Variants in XKR4 observed in about 807,000 individuals in gnomAD.
The protein encoded by XKR4 is XK-related protein 4.
A neutral mutation model predicts 53.9 loss-of-function variants in XKR4; 12 were observed. That is an observed-to-expected ratio of 0.22 (90% CI 0.14 to 0.36). The LOEUF is 0.36. XKR4 is among the 10% of genes least tolerant of loss of function. XKR4 has a pLI of 1.00. For synonymous variants in XKR4, 354 were observed against 362.4 expected (o/e 0.98, Z 0.26); for missense variants, 799 against 859.5 (o/e 0.93, Z 0.88).
At chr8:55,291,180 T>C (rs1819012989) in intron 1 of XKR4, among the ~76,000 whole-genome samples, 4 of 152,214 alleles carry the variant, frequency 2.6e-5, no homozygotes, top group South Asian at 4.1e-4. Context: ...TGGTGATATA[T>C]GTGTAGGTCC....
At chr8:55,151,107 T>TCG (rs1397975930) in intron 1 of XKR4, among the ~76,000 whole-genome samples, 1 of 152,198 alleles carries the variant, frequency 6.6e-6, no homozygotes, top group East Asian at 1.9e-4. Context: ...TGTCTTTTAT[T>TCG]TATCATCTCT....
chr8:55,410,956 G>A (rs1804767992), intron 2 of XKR4, among the ~76,000 whole-genome samples: 1 of 152,170 alleles, frequency 6.6e-6, no homozygotes, highest in Non-Finnish European at 1.5e-5. Flanking sequence ...AGACCCTCAT[G>A]TCACTGTGCA....
chr8:55,291,863 T>A (rs1048797919), intron 1 of XKR4, among the ~76,000 whole-genome samples: 3 of 152,150 alleles, frequency 2.0e-5, no homozygotes, highest in African/African-American at 4.8e-5. Context: ...TTCTTTATTC[T>A]TACTTTTCTG....
intron 1 of XKR4, among the ~76,000 whole-genome samples, chr8:55,195,576 C>T (rs530711023): frequency 2.6e-5 from 4 of 151,732 alleles, no homozygotes; most frequent in East Asian, 1.9e-4. Flanking sequence ...TTTTAAAAAC[C>T]GTTTACATAT....
intron 2 of XKR4, among the ~76,000 whole-genome samples, chr8:55,430,069 C>A (rs1174998408): frequency 6.6e-6 from 1 of 152,166 alleles, no homozygotes; most frequent in East Asian, 1.9e-4. Context: ...TAGGGAAATG[C>A]AAATTAAAGC....
intron 1 of XKR4, among the ~76,000 whole-genome samples, chr8:55,261,150 C>G (rs1818519039): frequency 6.6e-6 from 1 of 152,138 alleles, no homozygotes; most frequent in African/African-American, 2.4e-5. Flanking sequence ...AGAAGACACA[C>G]AGAAGAAAAA....
intron 1 of XKR4, among the ~76,000 whole-genome samples, chr8:55,232,050 G>C (rs1818049369): frequency 6.6e-6 from 1 of 152,214 alleles, no homozygotes; most frequent in Non-Finnish European, 1.5e-5. Flanking sequence ...CTAAAAGAAA[G>C]ACATGGGTGG....
chr8:55,450,762 C>G, intron 2 of XKR4: 1 of 571,494 alleles, frequency 1.7e-6, no homozygotes, highest in Non-Finnish European at 3.3e-6. Context: ...ACCCCTCCAG[C>G]GTTCAGTAGA....
chr8:55,412,226 C>T (rs1804787793), intron 2 of XKR4, among the ~76,000 whole-genome samples: 1 of 152,044 alleles, frequency 6.6e-6, no homozygotes, highest in South Asian at 2.1e-4. Context: ...CAACCGTTTA[C>T]CAAGCCCCGG....
chr8:55,348,765 T>G (rs547275299), intron 1 of XKR4, among the ~76,000 whole-genome samples: 18 of 147,280 alleles, frequency 1.2e-4, no homozygotes, highest in African/African-American at 4.6e-4. Context: ...GATACAGAAA[T>G]AGGTAGAGAT....
chr8:55,375,772 G>T lies in XKR4; in HGVS notation c.1006+17895G>T, dbSNP rs561426492. On this transcript the variant is annotated intron_variant, in intron 2 of 2. Transcript: ENST00000327381. ...CAGGGTACACGTGCAGGATGTGCAGGTTTTTATACAGGTAGCAATGTGTGC... is the reference window on the plus strand; with the variant it reads ...CAGGGTACACGTGCAGGATGTGCAGTTTTTTATACAGGTAGCAATGTGTGC... Among the ~76,000 whole-genome samples, 3 of 151,406 alleles carry T rather than the reference G, an allele frequency of 2.0e-5. No individual in the cohort carries two copies. In the South Asian group the frequency reaches 6.3e-4, roughly 32 times the overall value.
intron 1 of XKR4, among the ~76,000 whole-genome samples, chr8:55,266,109 G>T (rs943701245): frequency 6.6e-6 from 1 of 152,088 alleles, no homozygotes; most frequent in Non-Finnish European, 1.5e-5. Flanking sequence ...AGTGAGCTAT[G>T]ATTGTGTCAC....
intron 1 of XKR4, among the ~76,000 whole-genome samples, chr8:55,206,173 C>T (rs183504505): frequency 6.5e-4 from 99 of 152,318 alleles, no homozygotes; most frequent in African/African-American, 2.1e-3. Flanking sequence ...AGCAAAAGAA[C>T]AAACCTTCCA....
chr8:55,344,043 A>T (rs1246472352), intron 1 of XKR4, among the ~76,000 whole-genome samples: 1 of 152,106 alleles, frequency 6.6e-6, no homozygotes, highest in Non-Finnish European at 1.5e-5. Flanking sequence ...TGCTGGTGAA[A>T]TCAATCCCTG....
Position 55,181,191 on chromosome 8 carries a change from C to T in XKR4, c.806+77897C>T, listed in dbSNP as rs185148695. On this transcript the variant is annotated intron_variant, in intron 1 of 2. Coordinates refer to ENST00000327381, the MANE Select transcript of XKR4 (RefSeq NM_052898.2). ...TGTTTTGGTACTTAAGCTTAAATGT[C>T]AAATAAGCATCTAGATTCTCCAGCT... Among the ~76,000 whole-genome samples the T allele has an allele frequency of 2.6e-5, 4 of 152,250 alleles. No individual in the cohort carries two copies. In the East Asian group the frequency reaches 7.7e-4, roughly 29 times the overall value.
At chr8:55,206,831 G>A (rs1276247919) in intron 1 of XKR4, among the ~76,000 whole-genome samples, 2 of 152,184 alleles carry the variant, frequency 1.3e-5, no homozygotes, top group Non-Finnish European at 2.9e-5. Context: ...ATCCCATATA[G>A]TTATTGCAGA....
At chr8:55,451,759 CG>C in intron 2 of XKR4, 1 of 1,131,608 alleles carries the variant, frequency 8.8e-7, no homozygotes, top group Non-Finnish European at 1.3e-6. Context: ...CCGGCTCAGG[CG>C]GCTGCTCAGG....
At chr8:55,383,892 A>G (rs1323193377) in intron 2 of XKR4, among the ~76,000 whole-genome samples, 1 of 152,192 alleles carries the variant, frequency 6.6e-6, no homozygotes, top group East Asian at 1.9e-4. Flanking sequence ...GACACAGCAT[A>G]TGTACCCTTC....
At chr8:55,493,304 A>G (rs894849187) in intron 2 of XKR4, among the ~76,000 whole-genome samples, 6 of 152,206 alleles carry the variant, frequency 3.9e-5, no homozygotes, top group Admixed American at 3.9e-4. Context: ...CTGATACAGC[A>G]TGTGAGCTCC....
Sources: allele counts gnomAD v4.1 joint callset (sites outside exome capture counted in the v4.1 genomes callset), GRCh38; gene constraint gnomAD v4.1.1; transcripts MANE v1.5; gene names NCBI Gene and HGNC (gene_info 2026-07-23, HGNC 2026-07-21).